Variants in PTCHD4 observed in about 807,000 individuals in gnomAD.
PTCHD4 encodes patched domain-containing protein 4.
Under a neutral mutation model 58.1 loss-of-function variants are expected in PTCHD4, and 33 were observed. The ratio of observed to expected loss-of-function variants is 0.57; its 90% CI spans 0.43 to 0.76. The LOEUF (loss-of-function observed/expected upper bound fraction) is 0.76. PTCHD4 is among the 30% of genes least tolerant of loss of function. PTCHD4 has a pLI of 0.00. For synonymous variants in PTCHD4, 478 were observed against 409.6 expected, an observed-to-expected ratio of 1.17 and a Z score of -2.02; for missense variants, 1,058 against 1,027.1, an observed-to-expected ratio of 1.03 and a Z score of -0.41.
At chr6:47,961,598 A>G (rs1767096749) in intron 4 of PTCHD4, among the ~76,000 whole-genome samples, 1 of 152,136 alleles carries the variant, frequency 6.6e-6, no homozygotes, top group South Asian at 2.1e-4. Flanking sequence ...CTGGCTAACA[A>G]AGTAAATTTC....
At chr6:48,081,201 A>G (rs1765161042) in intron 1 of PTCHD4, among the ~76,000 whole-genome samples, 1 of 152,242 alleles carries the variant, frequency 6.6e-6, no homozygotes, top group African/African-American at 2.4e-5. Context: ...AGAGCTACTT[A>G]CAAGTGAAAA....
At chr6:48,011,670 T>C (rs139883678) in intron 3 of PTCHD4, among the ~76,000 whole-genome samples, 1,583 of 152,352 alleles carry the variant, frequency 0.01, 30 homozygotes, top group African/African-American at 0.036. Context: ...TGAATGGTAT[T>C]GCCTAGGTTT....
chr6:48,099,472 C>A (rs1765553223), intron 1 of PTCHD4, among the ~76,000 whole-genome samples: 1 of 152,130 alleles, frequency 6.6e-6, no homozygotes, highest in Admixed American at 6.6e-5. Flanking sequence ...ATGAGAGACG[C>A]AGATGAGAGA....
intron 1 of PTCHD4, among the ~76,000 whole-genome samples, chr6:48,094,495 G>A (rs74884971): frequency 2.1e-3 from 316 of 152,292 alleles, no homozygotes; most frequent in African/African-American, 6.5e-3. Flanking sequence ...AGGCCCCACT[G>A]AATGCTGTGT....
At chr6:48,101,033 T>A (rs1765592698) in intron 1 of PTCHD4, among the ~76,000 whole-genome samples, 1 of 151,646 alleles carries the variant, frequency 6.6e-6, no homozygotes, top group Non-Finnish European at 1.5e-5. Flanking sequence ...AGAGATAACA[T>A]TGGATTGAAT....
chr6:47,999,492 C>A (rs1208251852), intron 4 of PTCHD4, among the ~76,000 whole-genome samples: 1 of 152,062 alleles, frequency 6.6e-6, no homozygotes, highest in East Asian at 1.9e-4. Flanking sequence ...TAAAATAAGT[C>A]CTGTGGCAAC....
intron 3 of PTCHD4, among the ~76,000 whole-genome samples, chr6:48,011,566 C>A (rs1762676804): frequency 6.6e-6 from 1 of 152,114 alleles, no homozygotes; most frequent in Non-Finnish European, 1.5e-5. Context: ...TGCAGAAGCC[C>A]TTTAGTTTAA....
intron 4 of PTCHD4, among the ~76,000 whole-genome samples, chr6:47,983,568 T>C (rs1767960574): frequency 6.6e-6 from 1 of 152,208 alleles, no homozygotes; most frequent in Non-Finnish European, 1.5e-5. Flanking sequence ...GTTTAGTTTT[T>C]TATAGTGCAA....
chr6:48,077,893 A>T (rs1025504463), intron 1 of PTCHD4, among the ~76,000 whole-genome samples: 1 of 152,164 alleles, frequency 6.6e-6, no homozygotes, highest in Non-Finnish European at 1.5e-5. Context: ...ATCAAAGACC[A>T]CTGATCACAG....
intron 4 of PTCHD4, among the ~76,000 whole-genome samples, chr6:47,936,583 G>A (rs1299930142): frequency 6.6e-6 from 1 of 152,100 alleles, no homozygotes; most frequent in Non-Finnish European, 1.5e-5. Flanking sequence ...CCAGTTCAAT[G>A]TTCTTTTTCC....
At chr6:48,109,715 A>G (rs897330411) in intron 1 of PTCHD4, among the ~76,000 whole-genome samples, 1 of 152,084 alleles carries the variant, frequency 6.6e-6, no homozygotes, top group Non-Finnish European at 1.5e-5. Flanking sequence ...CATAAACAAC[A>G]ACAAAACCCC....
intron 4 of PTCHD4, among the ~76,000 whole-genome samples, chr6:47,953,541 T>C (rs375047934): frequency 6.6e-6 from 1 of 152,184 alleles, no homozygotes; most frequent in South Asian, 2.1e-4. Flanking sequence ...AAGATGATAT[T>C]ATATTGATTT....
chr6:48,013,511 T>G (rs988691463), intron 3 of PTCHD4, among the ~76,000 whole-genome samples: 1 of 151,880 alleles, frequency 6.6e-6, no homozygotes, highest in Non-Finnish European at 1.5e-5. Flanking sequence ...TCATGGGATA[T>G]TACCATGAGC....
intron 4 of PTCHD4, among the ~76,000 whole-genome samples, chr6:47,902,373 T>C (rs1426469663): frequency 6.6e-6 from 1 of 152,156 alleles, no homozygotes; most frequent in Non-Finnish European, 1.5e-5. Flanking sequence ...GAATTCAAGA[T>C]ACTTTGAAGG....
At chr6:48,088,796 C>T (rs915504400) in intron 1 of PTCHD4, among the ~76,000 whole-genome samples, 2 of 152,078 alleles carry the variant, frequency 1.3e-5, no homozygotes, top group African/African-American at 2.4e-5. Flanking sequence ...GTAATCCCAG[C>T]GCTCTGGGAG....
chr6:48,106,477 A>G (rs1765726761), intron 1 of PTCHD4, among the ~76,000 whole-genome samples: 1 of 152,220 alleles, frequency 6.6e-6, no homozygotes, highest in Admixed American at 6.5e-5. Flanking sequence ...TATCTATGAC[A>G]AACCCACAGC....
At chr6:47,921,215 T>A (rs374530765) in intron 4 of PTCHD4, among the ~76,000 whole-genome samples, 1 of 152,184 alleles carries the variant, frequency 6.6e-6, no homozygotes, top group Non-Finnish European at 1.5e-5. Context: ...TTATTCAGCA[T>A]TTTTTTCTTT....
At position 47,859,814 on chromosome 6, in the gene PTCHD4, G is replaced by A. The variant is rs1228623933; in HGVS notation, c.*18489C>T. Among the ~76,000 whole-genome samples the A allele has an allele frequency of 6.6e-6, 1 of 152,014 alleles. No individual in the cohort carries two copies. The highest frequency in any genetic ancestry group is 1.5e-5 in the Non-Finnish European group (1 of 67,966). On this transcript the variant is annotated 3_prime_UTR_variant, in exon 5 of 5. Transcript: ENST00000339488. The stretch of plus-strand genomic sequence containing the variant: ...ATTTAAGAAGAAACCAAAAAGATGT[G>A]AGGGAGGAAGATCTGTGGCTAACTG...
Position 48,008,935 on chromosome 6 carries a change from T to A in PTCHD4, c.597A>T (p.Ile199=). The change falls in exon 4 of 5, where the codon ATA becomes ATT. Residue 199 remains isoleucine (I), a synonymous_variant. Coordinates refer to ENST00000339488, the MANE Select transcript of PTCHD4 (RefSeq NM_001384253.1). ...CTTGATGCTCCTCCTGGAGCTTCCT[T>A]ATAAGCTTACAGAACTCATTCTCCC... ...EKWENEFCKL[I]RKLQEEHQEL... 4.3e-6 allele frequency: 7 copies of A among 1,613,918 alleles called. No homozygotes were observed. Among genetic ancestry groups the A allele is most frequent in the Non-Finnish European group, 5.9e-6 (7 of 1,179,830 alleles).
Sources: gnomAD v4.1 joint callset for allele counts (sites outside exome capture counted in the v4.1 genomes callset) on GRCh38, gnomAD v4.1.1 for gene constraint, MANE v1.5 for transcripts, NCBI Gene and HGNC (gene_info 2026-07-23, HGNC 2026-07-21) for gene names.